The following BORCS5 variants were observed in gnomAD, a reference collection of about 807,000 sequenced individuals.
The protein encoded by BORCS5 is BLOC-1 related complex subunit 5.
In BORCS5, 17 loss-of-function variants were observed where a neutral mutation model predicts 22.1. The ratio of observed to expected loss-of-function variants is 0.77; its 90% confidence interval spans 0.53 to 1.15. The LOEUF (loss-of-function observed/expected upper bound fraction) is 1.15, where lower values mean the gene tolerates loss of function less well. BORCS5 is among the 50% of genes most tolerant of loss of function. The pLI is 0.00. For missense variants in BORCS5, 247 were observed against 253.2 expected, an observed-to-expected ratio of 0.98 and a Z score of 0.17; for synonymous variants, 117 against 99.8, an observed-to-expected ratio of 1.17 and a Z score of -1.03.
At chr12:12,412,424 C>T (rs1320993447) in intron 2 of BORCS5, among the ~76,000 whole-genome samples, 1 of 151,872 alleles carries the variant, frequency 6.6e-6, no homozygotes, top group Admixed American at 6.6e-5. Context: ...TTGGATTGTT[C>T]ATTAGTGAAT....
chr12:12,422,610 A>G (rs531452366), intron 2 of BORCS5, among the ~76,000 whole-genome samples: 368 of 152,244 alleles, frequency 2.4e-3, no homozygotes, highest in Non-Finnish European at 4.4e-3. Flanking sequence ...CAAAAGAAAA[A>G]AAAAAAGTAA....
intron 1 of BORCS5, 25 bp from the exon 2 acceptor site, chr12:12,361,181 C>T (rs1257880900): frequency 6.2e-7 from 1 of 1,611,424 alleles, no homozygotes; most frequent in African/African-American, 1.3e-5. Context: ...TATGCATCTC[C>T]TAAGCAGTGT....
rs546131721 is a variant in BORCS5, at chr12:12,399,369, C to T, written c.203-36259C>T. Among the ~76,000 whole-genome samples the T allele has an allele frequency of 3.3e-5, 5 of 152,256 alleles. No individual in the cohort carries two copies. The South Asian group carries it at 8.3e-4, about 25-fold the overall frequency. ...AGCCCACTATTGTTCCCCAAATCAA[C>T]ACTCACTCTCCAGCTCTTTGGGTGG... On this transcript the variant is annotated intron_variant, in intron 2 of 3. Transcript: ENST00000314565.
At chr12:12,360,041 G>C (rs1311691841) in intron 1 of BORCS5, among the ~76,000 whole-genome samples, 1 of 152,080 alleles carries the variant, frequency 6.6e-6, no homozygotes, top group Admixed American at 6.6e-5. Context: ...AAAATATTTA[G>C]TTATGAAAGA....
At chr12:12,433,179 G>A (rs1393844135) in intron 2 of BORCS5, among the ~76,000 whole-genome samples, 1 of 151,792 alleles carries the variant, frequency 6.6e-6, no homozygotes, top group Non-Finnish European at 1.5e-5. Context: ...ACTAAAAAAT[G>A]CAAAAATTAG....
intron 1 of BORCS5, among the ~76,000 whole-genome samples, chr12:12,360,550 C>T (rs1395185376): frequency 2.1e-5 from 3 of 144,006 alleles, no homozygotes; most frequent in Non-Finnish European, 3.0e-5. Flanking sequence ...ACCACCACAT[C>T]TGACTAATTA....
intron 2 of BORCS5, among the ~76,000 whole-genome samples, chr12:12,375,803 T>G (rs1025997298): frequency 6.6e-6 from 1 of 150,412 alleles, no homozygotes; most frequent in Admixed American, 6.6e-5. Flanking sequence ...AATCATGGTT[T>G]TTTTTGTTTG....
intron 3 of BORCS5, among the ~76,000 whole-genome samples, chr12:12,440,561 A>C (rs1228582580): frequency 1.3e-5 from 2 of 151,322 alleles, no homozygotes; most frequent in Non-Finnish European, 2.9e-5. Flanking sequence ...TAAGAGTTAA[A>C]GATTGGGATA....
intron 3 of BORCS5, among the ~76,000 whole-genome samples, chr12:12,453,334 G>A (rs1475896741): frequency 6.6e-6 from 1 of 152,170 alleles, no homozygotes; most frequent in South Asian, 2.1e-4. Context: ...GGGGTTAGTC[G>A]ATGCATGGTA....
rs1327626245 is a variant in BORCS5, at chr12:12,469,508, AG to A, written c.*3734del. 4 of 152,224 alleles carry A rather than the reference AG, an allele frequency of 2.6e-5. No individual in the cohort carries two copies. Among genetic ancestry groups the A allele is most frequent in the African/African-American group, 9.6e-5 (4 of 41,458 alleles). 9.4% of individuals were successfully genotyped at this position (152,224 alleles called of 1,614,324 possible). Reference sequence around the variant, plus strand: ...GTTGGTACTGTTACCCTTACGTTATAGGTATTACAAACTCGGTTTTACAAGG... The same window carrying A: ...GTTGGTACTGTTACCCTTACGTTATAGTATTACAAACTCGGTTTTACAAGG... On this transcript the variant is annotated 3_prime_UTR_variant, in exon 4 of 4. Transcript: ENST00000314565.
rs774472324 is a variant in BORCS5 at position 12,416,645 on chromosome 12, GAGAC to G, written c.203-18979_203-18976del. Among the ~76,000 whole-genome samples, 52 of 151,938 alleles carry G rather than the reference GAGAC, an allele frequency of 3.4e-4. No homozygotes were observed. The East Asian group carries it at 8.5e-3, about 25-fold the overall frequency. On this transcript the variant is annotated intron_variant, in intron 2 of 3. Coordinates refer to ENST00000314565, the MANE Select transcript of BORCS5 (RefSeq NM_058169.6). The stretch of plus-strand genomic sequence containing the variant: ...TTATTTATTTACTTATTTTTTTAAA[GAGAC>G]AGAGTCTCACTAGGTTGCCCAAGCT...
chr12:12,463,507 C>T (rs528712681), intron 3 of BORCS5, among the ~76,000 whole-genome samples: 8 of 152,272 alleles, frequency 5.3e-5, no homozygotes, highest in African/African-American at 1.2e-4. Context: ...TGCTGGACTT[C>T]GGAGAGCTGG....
rs972279685 is a variant in BORCS5, at chr12:12,470,963, C to G, written c.*5187C>G. 6.6e-6 allele frequency among the ~76,000 whole-genome samples: 1 copy of G among 152,078 alleles called. No homozygotes were observed. The highest frequency in any genetic ancestry group is 1.9e-4 in the East Asian group (1 of 5,190). ...CTCATTCCTTGAGGCATGAGTTATG[C>G]GAAAAGCTTTTCTGCACCAAGTACT... On this transcript the variant is annotated 3_prime_UTR_variant, in exon 4 of 4. Transcript: ENST00000314565.
chr12:12,432,294 C>T (rs1457517323), intron 2 of BORCS5, among the ~76,000 whole-genome samples: 1 of 152,156 alleles, frequency 6.6e-6, no homozygotes, highest in Non-Finnish European at 1.5e-5. Flanking sequence ...CTCTTTTCCT[C>T]TTTCAATTTC....
At chr12:12,398,431 ATGTT>A (rs1006748836) in intron 2 of BORCS5, among the ~76,000 whole-genome samples, 1 of 152,192 alleles carries the variant, frequency 6.6e-6, no homozygotes, top group African/African-American at 2.4e-5. Context: ...AATCAAAGCC[ATGTT>A]TGTTTTGTCA....
chr12:12,463,120 G>C lies in BORCS5; in HGVS notation c.361-2426G>C, dbSNP rs183823888. Among the ~76,000 whole-genome samples, 319 of 152,284 alleles carry C rather than the reference G, an allele frequency of 2.1e-3. 2 individuals are homozygous for C. Among genetic ancestry groups the C allele is most frequent in the African/African-American group, 7.0e-3 (289 of 41,556 alleles). ...GGATATATCCCTAGATTGTCAAAAT[G>C]GTGATTCAGAATTGTGTGAGATACT... On this transcript the variant is annotated intron_variant, in intron 3 of 3. Transcript: ENST00000314565.
chr12:12,430,952 C>G (rs920381143), intron 2 of BORCS5, among the ~76,000 whole-genome samples: 1 of 152,096 alleles, frequency 6.6e-6, no homozygotes, highest in Non-Finnish European at 1.5e-5. Context: ...TAGATATACC[C>G]TGATTTAATT....
intron 2 of BORCS5, 131 bp from the exon 3 acceptor site, chr12:12,435,497 A>G: frequency 1.3e-6 from 1 of 773,718 alleles, no homozygotes; most frequent in African/African-American, 1.8e-5. Context: ...AACGATTGTC[A>G]TTAACATATA....
chr12:12,430,139 A>G (rs920121933), intron 2 of BORCS5, among the ~76,000 whole-genome samples: 1 of 146,458 alleles, frequency 6.8e-6, no homozygotes, highest in South Asian at 2.1e-4. Context: ...CACTTTAATC[A>G]CCTTAGAGAA....
Sources: allele counts gnomAD v4.1 joint callset (sites outside exome capture counted in the v4.1 genomes callset), GRCh38; gene constraint gnomAD v4.1.1; transcripts MANE v1.5; gene names NCBI Gene and HGNC (gene_info 2026-07-23, HGNC 2026-07-21).